The following RCC2 variants were observed in gnomAD, a reference collection of about 807,000 sequenced individuals.
RCC2 encodes the protein protein RCC2.
In RCC2, 19 loss-of-function variants were observed where a neutral mutation model predicts 64.1. The ratio of observed to expected loss-of-function variants is 0.30; its 90% CI spans 0.21 to 0.44. The LOEUF (loss-of-function observed/expected upper bound fraction) is 0.44, where lower values mean the gene tolerates loss of function less well. RCC2 is among the 20% of genes least tolerant of loss of function. RCC2 has a pLI of 1.00. For synonymous variants in RCC2, 325 were observed against 279.6 expected (o/e 1.16, Z -1.62); for missense variants, 508 against 710.4 (o/e 0.72, Z 3.24).
intron 2 of RCC2, 140 bp downstream of exon 2, chr1:17,438,090 A>T: frequency 6.1e-6 from 3 of 490,122 alleles, no homozygotes; most frequent in Non-Finnish European, 8.2e-6. Flanking sequence ...GCAATGATTC[A>T]GCCCGCGGCC....
intron 6 of RCC2, among the ~76,000 whole-genome samples, chr1:17,421,696 G>C (rs1254622126): frequency 6.6e-6 from 1 of 152,154 alleles, no homozygotes; most frequent in Non-Finnish European, 1.5e-5. Flanking sequence ...TTTTCAGGAT[G>C]GTTTTCAACC....
chr1:17,415,838 G>A lies in RCC2; in HGVS notation c.1026+642C>T, dbSNP rs371602649. 2.6e-3 allele frequency among the ~76,000 whole-genome samples: 399 copies of A among 151,760 alleles called. 3 individuals are homozygous for A. In the South Asian group the frequency reaches 0.026, roughly 10 times the overall value. On this transcript the variant is annotated intron_variant, in intron 8 of 12. Coordinates refer to ENST00000375436, the MANE Select transcript of RCC2 (RefSeq NM_018715.4). ...AATCCCAGCACTTTGAGAGGCCGAG[G>A]TGGGCAGATCACCTGAGGTCAGGAG...
Position 17,409,962 on chromosome 1 carries a change from G to GCC in RCC2, c.1464+10_1464+11dup. The stretch of plus-strand genomic sequence containing the variant: ...GACACGTCCCCGAGCTGGCACAGCT[G>GCC]CCCCCACTCACCTGCTCTGAGAAAA... On this transcript the variant is annotated intron_variant, in intron 12 of 12. Transcript: ENST00000375436. 1 of 1,611,950 alleles carries GCC rather than the reference G, an allele frequency of 6.2e-7. No individual in the cohort carries two copies. Among genetic ancestry groups the GCC allele is most frequent in the Non-Finnish European group, 8.5e-7 (1 of 1,178,030 alleles).
At position 17,433,423 on chromosome 1, in the gene RCC2, C is replaced by T. The variant is rs369684670; in HGVS notation, c.286-4224G>A. On this transcript the variant is annotated intron_variant, in intron 2 of 12. Transcript: ENST00000375436. ...CGCTTGCGGGCTCCACCCGGGGCGG[C>T]GGGGCAGGGCGGGGGTGCCAGTGGG... Among the ~76,000 whole-genome samples the T allele has an allele frequency of 1.3e-3, 198 of 152,268 alleles. 1 individual carries two copies. The highest frequency in any genetic ancestry group is 8.1e-3 in the South Asian group (39 of 4,832).
At chr1:17,412,389 C>A (rs1424446189) in intron 10 of RCC2, among the ~76,000 whole-genome samples, 195 bp from the exon 11 acceptor site, 1 of 152,232 alleles carries the variant, frequency 6.6e-6, no homozygotes, top group Non-Finnish European at 1.5e-5. Flanking sequence ...AACGCTTCAA[C>A]AAAACAACAA....
chr1:17,423,679 A>G (rs951804128), intron 4 of RCC2, among the ~76,000 whole-genome samples: 1 of 152,146 alleles, frequency 6.6e-6, no homozygotes, highest in Non-Finnish European at 1.5e-5. Flanking sequence ...CAAAAATTCA[A>G]CCGGCCACTC....
chr1:17,415,253 G>C (rs1205883190), intron 8 of RCC2, among the ~76,000 whole-genome samples: 1 of 152,096 alleles, frequency 6.6e-6, no homozygotes, highest in African/African-American at 2.4e-5. Context: ...ATTCTTCATC[G>C]GCAAGAAGAT....
chr1:17,408,881 AG>A lies in RCC2; in HGVS notation c.*208del. ...GAGCAAGTATTTTAATTCAACATTA[AG>A]GGAAAAAAAAGGACTTTGGAAAGCA... On this transcript the variant is annotated 3_prime_UTR_variant, in exon 13 of 13. Transcript: ENST00000375436. 5.7e-6 allele frequency: 3 copies of A among 527,198 alleles called. No individual in the cohort carries two copies. Among genetic ancestry groups the A allele is most frequent in the Non-Finnish European group, 1.0e-5 (3 of 295,428 alleles). The allele number at this position is 527,198 out of a possible 1,614,324, so 32.7% of individuals were successfully genotyped here.
chr1:17,422,933 A>C (rs2075571169), intron 4 of RCC2, 97 bp from the exon 5 acceptor site: 2 of 1,483,036 alleles, frequency 1.3e-6, no homozygotes, highest in Non-Finnish European at 1.9e-6. Flanking sequence ...AATGATGCCC[A>C]TCTGTCTCTG....
intron 6 of RCC2, among the ~76,000 whole-genome samples, chr1:17,421,411 CT>C (rs777260735): frequency 3.3e-5 from 5 of 151,844 alleles, no homozygotes; most frequent in Non-Finnish European, 5.9e-5. Flanking sequence ...AGGAGAATCG[CT>C]TGAATCCGGG....
At chr1:17,438,036 GC>G (rs1219884838) in intron 2 of RCC2, among the ~76,000 whole-genome samples, 193 bp downstream of exon 2, 1 of 146,722 alleles carries the variant, frequency 6.8e-6, no homozygotes, top group Admixed American at 6.7e-5. Flanking sequence ...TAGGCCGCGG[GC>G]CGCGCGCCCC....
At chr1:17,433,165 G>A (rs1163340281) in intron 2 of RCC2, among the ~76,000 whole-genome samples, 2 of 152,142 alleles carry the variant, frequency 1.3e-5, no homozygotes, top group Admixed American at 6.5e-5. Flanking sequence ...AAGTTTTTAC[G>A]TCATGGATCC....
chr1:17,422,177 T>C (rs199700810), intron 6 of RCC2, 26 bp downstream of exon 6: 7 of 1,520,322 alleles, frequency 4.6e-6, no homozygotes, highest in African/African-American at 1.4e-5. Flanking sequence ...CAAAAAGCCA[T>C]GGAGCCGGAG....
Position 17,425,572 on chromosome 1 carries a change from G to A in RCC2, c.492C>T (p.Leu164=). Residue 164 remains leucine, a synonymous_variant, in exon 4 of 13, where the codon CTC becomes CTT. Transcript: ENST00000375436. ...TCCACAGCTTCCCTTCCGTGGTGAT[G>A]AGGAGGCTGTGTGCAGCACACGAGC... ...VSGSCAAHSL[L]ITTEGKLWSW... is the part of the protein sequence containing the mutation. 2 of 1,613,724 alleles carry A rather than the reference G, an allele frequency of 1.2e-6. No homozygotes were observed. The highest frequency in any genetic ancestry group is 1.7e-6 in the Non-Finnish European group (2 of 1,179,788).
chr1:17,412,999 G>A (rs1200924554), intron 10 of RCC2, 74 bp downstream of exon 10: 5 of 1,101,140 alleles, frequency 4.5e-6, no homozygotes. Context: ...ATCAGGGAGG[G>A]GCACCCCATG....
chr1:17,416,689 C>A lies in RCC2; in HGVS notation c.860-43G>T, dbSNP rs1225351264. 2.5e-6 allele frequency: 4 copies of A among 1,578,756 alleles called. No individual in the cohort carries two copies. The Admixed American group carries it at 5.2e-5, about 20-fold the overall frequency. On this transcript the variant is annotated intron_variant, in intron 7 of 12. Coordinates refer to ENST00000375436, the MANE Select transcript of RCC2 (RefSeq NM_018715.4). Reference sequence around the variant, plus strand: ...CCGGCCATCAGCAGCAGCACAAGCACAAGGGACGTGTCAGTGTGCTCACAC... The same window carrying A: ...CCGGCCATCAGCAGCAGCACAAGCAAAAGGGACGTGTCAGTGTGCTCACAC...
At chr1:17,419,042 G>A (rs974389315) in intron 7 of RCC2, among the ~76,000 whole-genome samples, 14 of 152,142 alleles carry the variant, frequency 9.2e-5, no homozygotes, top group Non-Finnish European at 8.8e-5. Flanking sequence ...CTAGAGGGGT[G>A]ACAGCTCTTT....
Position 17,438,215 on chromosome 1 carries a change from C to T in RCC2, c.285+15G>A. The T allele has an allele frequency of 6.3e-6, 8 of 1,275,200 alleles. No individual in the cohort carries two copies. Among genetic ancestry groups the T allele is most frequent in the Non-Finnish European group, 8.0e-6 (8 of 993,964 alleles). 79.0% of individuals were successfully genotyped at this position (1,275,200 alleles called of 1,614,324 possible). ...CCGGCCCTGCGCCCACCCGTCTACCCTGACCCTCACTCACGACGCGCTCCT... is the reference window on the plus strand; with the variant it reads ...CCGGCCCTGCGCCCACCCGTCTACCTTGACCCTCACTCACGACGCGCTCCT... On this transcript the variant is annotated intron_variant, in intron 2 of 12. Transcript: ENST00000375436.
rs1317760839 is a variant in RCC2 at position 17,422,186 on chromosome 1, AG to A, written c.744+16del. On this transcript the variant is annotated intron_variant, in intron 6 of 12. Transcript: ENST00000375436. ...GAGAAACAAAAAGCCATGGAGCCGG[AG>A]CTGAGGAGGGGTCACCTGCGCGGGG... 1 of 1,567,576 alleles carries A rather than the reference AG, an allele frequency of 6.4e-7. No individual in the cohort carries two copies. The highest frequency in any genetic ancestry group is 1.8e-5 in the Admixed American group (1 of 55,394).
Sources: allele counts gnomAD v4.1 joint callset (sites outside exome capture counted in the v4.1 genomes callset), GRCh38; gene constraint gnomAD v4.1.1; transcripts MANE v1.5; gene names NCBI Gene and HGNC (gene_info 2026-07-23, HGNC 2026-07-21).